Variants in SMYD3 observed in about 807,000 individuals in gnomAD.
SMYD3 encodes the protein histone-lysine N-methyltransferase SMYD3.
SMYD3 carries 36 observed loss-of-function variants against 57.7 expected under a neutral mutation model. That is an observed-to-expected ratio of 0.62 (90% CI 0.48 to 0.82). The LOEUF is 0.82. SMYD3 is among the 40% of genes least tolerant of loss of function. The pLI is 0.00. For missense variants in SMYD3, 515 were observed against 538.8 expected (o/e 0.96, Z 0.44); for synonymous variants, 211 against 195.0 (o/e 1.08, Z -0.68).
chr1:246,262,168 T>C (rs1304222821), intron 5 of SMYD3, among the ~76,000 whole-genome samples: 1 of 152,224 alleles, frequency 6.6e-6, no homozygotes, highest in African/African-American at 2.4e-5. Flanking sequence ...TGAGTAGATA[T>C]AGAAGAGTGT....
chr1:245,873,424 A>G (rs533096769), intron 8 of SMYD3, among the ~76,000 whole-genome samples: 1 of 152,334 alleles, frequency 6.6e-6, no homozygotes, highest in Admixed American at 6.5e-5. Context: ...TGTAAACGCT[A>G]CCAGGTGGGA....
intron 1 of SMYD3, among the ~76,000 whole-genome samples, chr1:246,504,332 C>T (rs1475833341): frequency 6.6e-6 from 1 of 152,162 alleles, no homozygotes; most frequent in African/African-American, 2.4e-5. Context: ...GTACATACAG[C>T]CTGCTACACA....
chr1:246,004,910 T>A (rs2059142869), intron 5 of SMYD3, among the ~76,000 whole-genome samples: 1 of 152,172 alleles, frequency 6.6e-6, no homozygotes, highest in African/African-American at 2.4e-5. Context: ...AGTGGTGCAA[T>A]CATGACTCGC....
At chr1:245,811,750 A>G (rs537951105) in intron 10 of SMYD3, among the ~76,000 whole-genome samples, 148 of 152,356 alleles carry the variant, frequency 9.7e-4, no homozygotes, top group African/African-American at 2.8e-3. Flanking sequence ...TTGAAAGTTA[A>G]AAATCAGGTG....
intron 1 of SMYD3, among the ~76,000 whole-genome samples, chr1:246,459,216 T>C (rs2067754850): frequency 6.7e-6 from 1 of 150,080 alleles, no homozygotes; most frequent in Non-Finnish European, 1.5e-5. Context: ...TATTTGAAAG[T>C]GTGTGACACG....
intron 1 of SMYD3, among the ~76,000 whole-genome samples, chr1:246,374,646 C>T (rs2148736013): frequency 6.6e-6 from 1 of 152,258 alleles, no homozygotes; most frequent in South Asian, 2.1e-4. Context: ...GCTGCTGACC[C>T]TGAGTTCAAT....
At chr1:246,399,377 T>C (rs1226505043) in intron 1 of SMYD3, among the ~76,000 whole-genome samples, 5 of 150,622 alleles carry the variant, frequency 3.3e-5, no homozygotes, top group African/African-American at 4.9e-5. Context: ...TTCTGTCACC[T>C]GGGCTGGAGT....
chr1:245,865,373 T>C (rs2051778848), intron 8 of SMYD3, among the ~76,000 whole-genome samples: 1 of 152,190 alleles, frequency 6.6e-6, no homozygotes, highest in Non-Finnish European at 1.5e-5. Context: ...TGATGTTTAT[T>C]ATGTGCAACA....
intron 1 of SMYD3, among the ~76,000 whole-genome samples, chr1:246,361,399 A>C (rs1245940446): frequency 6.6e-6 from 1 of 152,220 alleles, no homozygotes; most frequent in Non-Finnish European, 1.5e-5. Flanking sequence ...ATTCCTAAAG[A>C]ACTAAAAGTA....
chr1:245,876,292 G>A (rs2052479650), intron 8 of SMYD3, among the ~76,000 whole-genome samples: 1 of 152,152 alleles, frequency 6.6e-6, no homozygotes, highest in African/African-American at 2.4e-5. Context: ...ATCACCTCAG[G>A]AGCTGTTAAG....
At chr1:246,336,696 C>G (rs1221199411) in intron 2 of SMYD3, among the ~76,000 whole-genome samples, 2 of 152,142 alleles carry the variant, frequency 1.3e-5, no homozygotes, top group African/African-American at 2.4e-5. Flanking sequence ...ATTTTCGTAA[C>G]AATCCAAATG....
rs567613151 is a variant in SMYD3, at chr1:246,375,049, C to T, written c.165-19955G>A. 2.9e-4 allele frequency among the ~76,000 whole-genome samples: 44 copies of T among 151,948 alleles called. 1 individual carries two copies. Among genetic ancestry groups the T allele is most frequent in the Non-Finnish European group, 1.8e-4 (12 of 68,014 alleles). ...TGGAGGTTGCAGTGAGCCGAGATCGCGCTGTTGCACTCCAGCCTGGGCAAC... is the reference window on the plus strand; with the variant it reads ...TGGAGGTTGCAGTGAGCCGAGATCGTGCTGTTGCACTCCAGCCTGGGCAAC... On this transcript the variant is annotated intron_variant, in intron 1 of 11. Transcript: ENST00000490107.
intron 5 of SMYD3, among the ~76,000 whole-genome samples, chr1:246,012,154 T>C (rs2059293258): frequency 6.6e-6 from 1 of 152,140 alleles, no homozygotes; most frequent in South Asian, 2.1e-4. Flanking sequence ...GGAAGAGAAA[T>C]TCCTTTGTTG....
At chr1:246,489,284 T>G (rs925858329) in intron 1 of SMYD3, among the ~76,000 whole-genome samples, 1 of 151,756 alleles carries the variant, frequency 6.6e-6, no homozygotes, top group Non-Finnish European at 1.5e-5. Context: ...AGGCGGAGGC[T>G]GAGGTTGCAG....
chr1:245,776,345 T>C (rs1420016948), intron 10 of SMYD3, among the ~76,000 whole-genome samples: 1 of 152,102 alleles, frequency 6.6e-6, no homozygotes, highest in Non-Finnish European at 1.5e-5. Flanking sequence ...GTTACATCAG[T>C]AAGAAAGGAG....
Position 246,505,121 on chromosome 1 carries a change from G to A in SMYD3, c.164+1933C>T, listed in dbSNP as rs111656266. On this transcript the variant is annotated intron_variant, in intron 1 of 11. Coordinates refer to ENST00000490107, the MANE Select transcript of SMYD3 (RefSeq NM_001167740.2). ...GTAAAATACTAGTAAGTATTTGTCA[G>A]TCATTATGAAGAATCTGTTTAGCTT... 8.5e-3 allele frequency among the ~76,000 whole-genome samples: 1,291 copies of A among 152,278 alleles called. 22 individuals carry two copies. Among genetic ancestry groups the A allele is most frequent in the African/African-American group, 0.028 (1,158 of 41,540 alleles).
chr1:246,011,789 CT>C (rs1418426943), intron 5 of SMYD3, among the ~76,000 whole-genome samples: 2 of 152,160 alleles, frequency 1.3e-5, no homozygotes, highest in African/African-American at 4.8e-5. Context: ...ACACAAACTC[CT>C]TATCTTGCTA....
At chr1:246,063,086 G>A (rs1158064986) in intron 5 of SMYD3, among the ~76,000 whole-genome samples, 10 of 152,258 alleles carry the variant, frequency 6.6e-5, no homozygotes, top group East Asian at 3.9e-4. Flanking sequence ...CTACTAGGCA[G>A]ACTCTCAGGG....
At chr1:245,931,429 T>C (rs965597032) in intron 5 of SMYD3, among the ~76,000 whole-genome samples, 3 of 152,128 alleles carry the variant, frequency 2.0e-5, no homozygotes, top group African/African-American at 7.2e-5. Flanking sequence ...AAGTGGAAGA[T>C]CATAGCTACC....
Sources: allele counts gnomAD v4.1 joint callset (sites outside exome capture counted in the v4.1 genomes callset), GRCh38; gene constraint gnomAD v4.1.1; transcripts MANE v1.5; gene names NCBI Gene and HGNC (gene_info 2026-07-23, HGNC 2026-07-21).